KDM8: variants seen among roughly 807,000 people sequenced by gnomAD.
KDM8 encodes bifunctional peptidase and arginyl-hydroxylase JMJD5.
A neutral mutation model predicts 46.9 loss-of-function variants in KDM8; 35 were observed. The ratio of observed to expected loss-of-function variants is 0.75; its 90% CI spans 0.57 to 0.99. The LOEUF is 0.99. Among genes scored for constraint, KDM8 ranks in the 50% least tolerant of loss-of-function variants. The pLI is 0.00. For synonymous variants in KDM8, 232 were observed against 227.7 expected (o/e 1.02, Z -0.17); for missense variants, 475 against 537.0 (o/e 0.88, Z 1.14).
intron 1 of KDM8, chr16:27,204,200 GGTGT>G: frequency 6.8e-7 from 1 of 1,467,808 alleles, no homozygotes; most frequent in Non-Finnish European, 9.0e-7. Flanking sequence ...CTGGGGCCTG[GGTGT>G]GTGACTGCCC....
intron 7 of KDM8, 36 bp from the exon 8 acceptor site, chr16:27,220,530 G>GC (rs1250121248): frequency 6.2e-7 from 1 of 1,614,068 alleles, no homozygotes; most frequent in South Asian, 1.1e-5. Flanking sequence ...TCTCCCCACT[G>GC]CCCCTGGAGA....
rs189592225 is a variant in KDM8, at chr16:27,208,740, T to A, written c.-31-1353T>A. Reference sequence around the variant, plus strand: ...AGGGATGGGCCCATGTGGTGTCTTGTGCTGGCCTAGTGGATAAGTCCATGC... The same window carrying A: ...AGGGATGGGCCCATGTGGTGTCTTGAGCTGGCCTAGTGGATAAGTCCATGC... On this transcript the variant is annotated intron_variant, in intron 1 of 7. Coordinates refer to ENST00000286096, the MANE Select transcript of KDM8 (RefSeq NM_024773.3). 3.3e-3 allele frequency among the ~76,000 whole-genome samples: 506 copies of A among 152,334 alleles called. 5 individuals carry two copies. The highest frequency in any genetic ancestry group is 0.031 in the Middle Eastern group (9 of 294).
At chr16:27,209,447 G>C (rs2083459275) in intron 1 of KDM8, among the ~76,000 whole-genome samples, 1 of 152,244 alleles carries the variant, frequency 6.6e-6, no homozygotes, top group Non-Finnish European at 1.5e-5. Flanking sequence ...GGCTGGTCTT[G>C]AATTCCTGAG....
chr16:27,210,081 C>T lies in KDM8; in HGVS notation c.-31-12C>T, dbSNP rs764177315. The T allele has an allele frequency of 3.2e-6, 5 of 1,583,334 alleles. No homozygotes were observed. The Admixed American group carries it at 5.2e-5, about 16-fold the overall frequency. On this transcript the variant is annotated splice_polypyrimidine_tract_variant and intron_variant, in intron 1 of 7. Transcript: ENST00000286096. ...CCTGGTGTCTAACTCTTGTTTCTCTCCACCTCCCCAGGCACGGGACTGAAC... is the reference window on the plus strand; with the variant it reads ...CCTGGTGTCTAACTCTTGTTTCTCTTCACCTCCCCAGGCACGGGACTGAAC...
rs568726503 is a variant in KDM8, at chr16:27,208,739, G to T, written c.-31-1354G>T. ...CAGGGATGGGCCCATGTGGTGTCTT[G>T]TGCTGGCCTAGTGGATAAGTCCATG... is the stretch of plus-strand genomic sequence containing the variant. On this transcript the variant is annotated intron_variant, in intron 1 of 7. Transcript: ENST00000286096. 2.6e-5 allele frequency among the ~76,000 whole-genome samples: 4 copies of T among 152,334 alleles called. No homozygotes were observed. The East Asian group carries it at 7.7e-4, about 29-fold the overall frequency.
Position 27,221,215 on chromosome 16 carries a change from G to A in KDM8, c.*485G>A, listed in dbSNP as rs889208467. The A allele has an allele frequency of 2.4e-5, 7 of 289,912 alleles. No individual in the cohort carries two copies. Among genetic ancestry groups the A allele is most frequent in the Admixed American group, 4.6e-5 (1 of 21,762 alleles). The allele number at this position is 289,912 out of a possible 1,614,324, so 18.0% of individuals were successfully genotyped here. On this transcript the variant is annotated 3_prime_UTR_variant, in exon 8 of 8. Coordinates refer to ENST00000286096, the MANE Select transcript of KDM8 (RefSeq NM_024773.3). ...TGCCGAGGGCCGAGAAGGCGGTGCC[G>A]AGCCCCTGCTGCTGCATGAACCTTA...
At chr16:27,207,086 C>A (rs1283491276) in intron 1 of KDM8, among the ~76,000 whole-genome samples, 1 of 152,154 alleles carries the variant, frequency 6.6e-6, no homozygotes, top group Non-Finnish European at 1.5e-5. Flanking sequence ...CAGACAAGCC[C>A]CCATCTATAG....
At chr16:27,216,952 A>G (rs886254353) in intron 5 of KDM8, among the ~76,000 whole-genome samples, 1 of 152,128 alleles carries the variant, frequency 6.6e-6, no homozygotes, top group Non-Finnish European at 1.5e-5. Context: ...CAGCTGTTTC[A>G]TACTTTGTAG....
chr16:27,208,256 C>T (rs1049144299), intron 1 of KDM8, among the ~76,000 whole-genome samples: 2 of 152,190 alleles, frequency 1.3e-5, no homozygotes, highest in African/African-American at 4.8e-5. Flanking sequence ...TGAGGCCACC[C>T]TGGGAGGCCA....
At chr16:27,212,724 ACT>A (rs2083498988) in intron 2 of KDM8, among the ~76,000 whole-genome samples, 1 of 152,032 alleles carries the variant, frequency 6.6e-6, no homozygotes, top group Non-Finnish European at 1.5e-5. Flanking sequence ...ACAGAGCAAG[ACT>A]CGGTCTCAAT....
rs535281148 is a variant in KDM8 at position 27,215,712 on chromosome 16, A to G, written c.799-233A>G. ...CACTGTTTGTTGCCATTTTATGAAAATGTTTGCCAATCAGATGGATGAGAT... is the reference window on the plus strand; with the variant it reads ...CACTGTTTGTTGCCATTTTATGAAAGTGTTTGCCAATCAGATGGATGAGAT... On this transcript the variant is annotated intron_variant, in intron 4 of 7. Coordinates refer to ENST00000286096, the MANE Select transcript of KDM8 (RefSeq NM_024773.3). 6.6e-5 allele frequency among the ~76,000 whole-genome samples: 10 copies of G among 152,334 alleles called. No individual in the cohort carries two copies. The South Asian group carries it at 2.1e-3, about 32-fold the overall frequency.
chr16:27,221,307 G>T lies in KDM8; in HGVS notation c.*577G>T. On this transcript the variant is annotated 3_prime_UTR_variant, in exon 8 of 8. Coordinates refer to ENST00000286096, the MANE Select transcript of KDM8 (RefSeq NM_024773.3). ...TCCTTCCCATAACGGCCTGCTGGAC[G>T]CCACAGCCTGAATACTGGAGAGAGC... The T allele has an allele frequency of 4.4e-6, 1 of 225,326 alleles. No individual in the cohort carries two copies. Among genetic ancestry groups the T allele is most frequent in the Non-Finnish European group, 8.9e-6 (1 of 112,122 alleles). 14.0% of individuals were successfully genotyped at this position (225,326 alleles called of 1,614,324 possible).
At chr16:27,218,536 G>T (rs932348756) in intron 5 of KDM8, among the ~76,000 whole-genome samples, 3 of 152,198 alleles carry the variant, frequency 2.0e-5, no homozygotes, top group Non-Finnish European at 4.4e-5. Flanking sequence ...TGCCTACCCT[G>T]GCTTTTAAAA....
chr16:27,221,231 A>G lies in KDM8; in HGVS notation c.*501A>G, dbSNP rs368674442. ...GGCGGTGCCGAGCCCCTGCTGCTGC[A>G]TGAACCTTAGCCGCTGTCACTGATC... is the stretch of plus-strand genomic sequence containing the variant. On this transcript the variant is annotated 3_prime_UTR_variant, in exon 8 of 8. Coordinates refer to ENST00000286096, the MANE Select transcript of KDM8 (RefSeq NM_024773.3). The G allele has an allele frequency of 6.9e-6, 2 of 290,884 alleles. No homozygotes were observed. The highest frequency in any genetic ancestry group is 8.5e-5 in the East Asian group (1 of 11,748). 18.0% of individuals were successfully genotyped at this position (290,884 alleles called of 1,614,324 possible). A position where few individuals can be genotyped will look rare whatever the true frequency, so the allele number is the denominator to read the frequency against.
Position 27,207,925 on chromosome 16 carries a change from C to T in KDM8, c.-31-2168C>T, listed in dbSNP as rs550975308. Among the ~76,000 whole-genome samples the T allele has an allele frequency of 2.6e-5, 4 of 152,242 alleles. No individual in the cohort carries two copies. In the South Asian group the frequency reaches 8.3e-4, roughly 32 times the overall value. ...CCTTTGGGGAGGCCATTTCAAGTGG[C>T]TTATACAGAGGCAATCTGAAAAGCC... is the stretch of plus-strand genomic sequence containing the variant. On this transcript the variant is annotated intron_variant, in intron 1 of 7. Coordinates refer to ENST00000286096, the MANE Select transcript of KDM8 (RefSeq NM_024773.3).
Position 27,221,700 on chromosome 16 carries a change from C to A in KDM8, c.*970C>A, listed in dbSNP as rs1227991183. 1 of 152,216 alleles carries A rather than the reference C, an allele frequency of 6.6e-6. No homozygotes were observed. Among genetic ancestry groups the A allele is most frequent in the Non-Finnish European group, 1.5e-5 (1 of 68,066 alleles). 9.4% of individuals were successfully genotyped at this position (152,216 alleles called of 1,614,324 possible). ...ACGCAGGTTTGTTTTATGTTTTGGC[C>A]ATTAAGATTTTCCCCAGCCCTCTGT... On this transcript the variant is annotated 3_prime_UTR_variant, in exon 8 of 8. Transcript: ENST00000286096.
At position 27,214,878 on chromosome 16, in the gene KDM8, T is replaced by G. The variant is rs780719038; in HGVS notation, c.668T>G (p.Leu223Trp). 7.4e-6 allele frequency: 12 copies of G among 1,614,086 alleles called. No homozygotes were observed. Among genetic ancestry groups the G allele is most frequent in the South Asian group, 4.4e-5 (4 of 91,090 alleles). The change falls in exon 4 of 8, where the codon TTG becomes TGG. Residue 223 changes from leucine to tryptophan, a missense_variant and splice_region_variant. Coordinates refer to ENST00000286096, the MANE Select transcript of KDM8 (RefSeq NM_024773.3). ...GCCAATGTGTGTCTTTCTGCTAGTT[T>G]GGAGTATATCCAGGAGATCGCTGGC... is the stretch of plus-strand genomic sequence containing the variant. ...DHWPCMQKWS[L>W]EYIQEIAGCR...
chr16:27,207,678 T>C (rs539577733), intron 1 of KDM8, among the ~76,000 whole-genome samples: 19 of 152,330 alleles, frequency 1.2e-4, no homozygotes, highest in African/African-American at 4.6e-4. Flanking sequence ...ACTCCTGAGC[T>C]CAAGCAATCT....
chr16:27,208,605 A>G (rs1229552263), intron 1 of KDM8, among the ~76,000 whole-genome samples: 1 of 152,118 alleles, frequency 6.6e-6, no homozygotes, highest in Non-Finnish European at 1.5e-5. Flanking sequence ...AAGCCAGGAT[A>G]TGAGGCCCCT....
Sources: gnomAD v4.1 joint callset for allele counts (sites outside exome capture counted in the v4.1 genomes callset) on GRCh38, gnomAD v4.1.1 for gene constraint, MANE v1.5 for transcripts, NCBI Gene and HGNC (gene_info 2026-07-23, HGNC 2026-07-21) for gene names.